The following HDX variants were observed in gnomAD, a reference collection of about 807,000 sequenced individuals.
HDX encodes the protein highly divergent homeobox, also known as chromosome X open reading frame 43.
In HDX, 19 loss-of-function variants were observed where a neutral mutation model predicts 45.2. The observed-to-expected ratio is 0.42, with a 90% CI of 0.29 to 0.62. HDX has a LOEUF of 0.62. HDX is among the 20% of genes least tolerant of loss of function. The pLI is 0.20. For synonymous variants in HDX, 188 were observed against 172.8 expected, an observed-to-expected ratio of 1.09 and a Z score of -0.69; for missense variants, 532 against 493.9, an observed-to-expected ratio of 1.08 and a Z score of -0.73.
At position 84,390,233 on chromosome X, in the gene HDX, C is replaced by G. The variant is rs12013932; in HGVS notation, c.1306-28621G>C. 2.1e-3 allele frequency among the ~76,000 whole-genome samples: 234 copies of G among 111,112 alleles called. 1 individual carries two copies. The highest frequency in any genetic ancestry group is 7.5e-3 in the African/African-American group (229 of 30,595). On this transcript the variant is annotated intron_variant, in intron 5 of 10. Transcript: ENST00000373177. ...TATTACATTCAGTCTCTAGATTTAA[C>G]CACACTCTCTAATGACATGTGCCTC... is the stretch of plus-strand genomic sequence containing the variant.
intron 5 of HDX, among the ~76,000 whole-genome samples, chrX:84,404,709 C>T (rs1448485677): frequency 9.0e-6 from 1 of 111,236 alleles, no homozygotes; most frequent in Non-Finnish European, 1.9e-5. Flanking sequence ...ATACTTTTAA[C>T]TACATTTATA....
At chrX:84,326,442 G>A (rs746973486) in intron 9 of HDX, 142 bp from the exon 10 acceptor site, 1 of 430,464 alleles carries the variant, frequency 2.3e-6, no homozygotes, top group East Asian at 4.0e-5. Context: ...GGAATACAAA[G>A]CATGGAAGAA....
At chrX:84,469,764 TAATA>T (rs2040422344) in intron 3 of HDX, among the ~76,000 whole-genome samples, 189 bp from the exon 4 acceptor site, 1 of 111,958 alleles carries the variant, frequency 8.9e-6, no homozygotes. Context: ...GACTCACACT[TAATA>T]AATACCTTCA....
intron 2 of HDX, among the ~76,000 whole-genome samples, chrX:84,475,645 G>T (rs986201803): frequency 1.7e-4 from 19 of 111,636 alleles, no homozygotes; most frequent in African/African-American, 5.8e-4. Flanking sequence ...AAAAAGACAG[G>T]AAATAAAAAA....
chrX:84,326,174 C>T lies in HDX; in HGVS notation c.1947+4G>A, dbSNP rs773057491. 7.5e-6 allele frequency: 9 copies of T among 1,206,240 alleles called. No homozygotes were observed. The highest frequency in any genetic ancestry group is 1.8e-5 in the African/African-American group (1 of 57,092). On this transcript the variant is annotated splice_donor_region_variant and intron_variant, in intron 10 of 10. Transcript: ENST00000373177. ...GCAGCTTACTAGTCTTTCCTGGGACCTACCTGCTGTTGTTCCTTATCATCA... is the reference window on the plus strand; with the variant it reads ...GCAGCTTACTAGTCTTTCCTGGGACTTACCTGCTGTTGTTCCTTATCATCA...
At chrX:84,396,522 T>C (rs2038568206) in intron 5 of HDX, among the ~76,000 whole-genome samples, 1 of 111,929 alleles carries the variant, frequency 8.9e-6, no homozygotes, top group Non-Finnish European at 1.9e-5. Flanking sequence ...GCCTCTACAT[T>C]GTTTGCTTGG....
At chrX:84,369,253 T>C (rs1338908771) in intron 5 of HDX, among the ~76,000 whole-genome samples, 1 of 112,339 alleles carries the variant, frequency 8.9e-6, no homozygotes, top group African/African-American at 3.2e-5. Flanking sequence ...AGAATTTCCT[T>C]CCTTTGTAAG....
intron 5 of HDX, among the ~76,000 whole-genome samples, chrX:84,435,434 G>T (rs754681208): frequency 0.013 from 1,465 of 110,174 alleles, 25 homozygotes; most frequent in African/African-American, 0.047. Context: ...TAAATTTGTT[G>T]GAGTTCATTG....
chrX:84,496,430 T>A (rs920170094), intron 1 of HDX, among the ~76,000 whole-genome samples: 8 of 109,888 alleles, frequency 7.3e-5, no homozygotes, highest in Non-Finnish European at 1.5e-4. Context: ...ATTCAGTATA[T>A]CTAGTGTGGG....
intron 6 of HDX, among the ~76,000 whole-genome samples, chrX:84,353,518 G>C (rs5968303): frequency 0.17 from 19,185 of 110,907 alleles, 1,545 homozygotes; most frequent in Non-Finnish European, 0.24. Flanking sequence ...CTTGGTCTTT[G>C]ATTCCTCAGC....
At chrX:84,449,502 G>A (rs1342312856) in intron 4 of HDX, among the ~76,000 whole-genome samples, 1 of 111,983 alleles carries the variant, frequency 8.9e-6, no homozygotes, top group Non-Finnish European at 1.9e-5. Flanking sequence ...AGGAGACAGT[G>A]GAATGGTATC....
At chrX:84,379,902 A>G (rs993529555) in intron 5 of HDX, among the ~76,000 whole-genome samples, 1 of 111,356 alleles carries the variant, frequency 9.0e-6, no homozygotes, top group African/African-American at 3.2e-5. Context: ...GAAATGAAGA[A>G]AACAATACAT....
At chrX:84,394,824 T>TG (rs2038521724) in intron 5 of HDX, among the ~76,000 whole-genome samples, 2 of 110,941 alleles carry the variant, frequency 1.8e-5, no homozygotes, top group African/African-American at 6.5e-5. Context: ...TACCTCTGCT[T>TG]GCTTTTGGTT....
chrX:84,399,992 G>A (rs915634562), intron 5 of HDX, among the ~76,000 whole-genome samples: 1 of 111,284 alleles, frequency 9.0e-6, no homozygotes, highest in South Asian at 3.7e-4. Flanking sequence ...TGCAGAAAAG[G>A]CCTTTGATAA....
intron 2 of HDX, among the ~76,000 whole-genome samples, chrX:84,480,255 T>C (rs1487198594): frequency 1.8e-5 from 2 of 111,795 alleles, no homozygotes; most frequent in Non-Finnish European, 3.8e-5. Flanking sequence ...ATTCAGTTGA[T>C]TGGTATTTTC....
chrX:84,405,057 G>T (rs1201769122), intron 5 of HDX, among the ~76,000 whole-genome samples: 4 of 110,873 alleles, frequency 3.6e-5, no homozygotes, highest in Non-Finnish European at 7.6e-5. Flanking sequence ...AGCAAATTCA[G>T]TTGATAATTT....
chrX:84,354,135 G>A lies in HDX; in HGVS notation c.1452+7331C>T, dbSNP rs377702970. ...TCAGATTATTTATGTGCAAAATTAG[G>A]AAAATAATTTCCAAATTCTTTACTT... is the stretch of plus-strand genomic sequence containing the variant. On this transcript the variant is annotated intron_variant, in intron 6 of 10. Coordinates refer to ENST00000373177, the MANE Select transcript of HDX (RefSeq NM_001177479.2). Among the ~76,000 whole-genome samples, 73 of 111,435 alleles carry A rather than the reference G, an allele frequency of 6.6e-4. No individual in the cohort carries two copies. In the East Asian group the frequency reaches 0.019, roughly 29 times the overall value.
Position 84,499,982 on chromosome X carries a change from T to C in HDX, c.-110+2360A>G, listed in dbSNP as rs757479101. On this transcript the variant is annotated intron_variant, in intron 1 of 10. Transcript: ENST00000373177. ...TAATAAAAAGTGAGTAATTTGTGTA[T>C]TTTTAAAGATACATGATACAATGTC... 5.3e-5 allele frequency: 6 copies of C among 112,356 alleles called. No homozygotes were observed. In the East Asian group the frequency reaches 1.7e-3, roughly 31 times the overall value. The allele number at this position is 112,356 out of a possible 1,213,427, so 9.3% of individuals were successfully genotyped here. A position where few individuals can be genotyped will look rare whatever the true frequency, so the allele number is the denominator to read the frequency against.
At chrX:84,496,570 T>C (rs1462109607) in intron 1 of HDX, among the ~76,000 whole-genome samples, 2 of 110,783 alleles carry the variant, frequency 1.8e-5, no homozygotes, top group Non-Finnish European at 3.8e-5. Context: ...CAAACAATAC[T>C]GAATTCAAAA....
Sources: gnomAD v4.1 joint callset for allele counts (sites outside exome capture counted in the v4.1 genomes callset) on GRCh38, gnomAD v4.1.1 for gene constraint, MANE v1.5 for transcripts, NCBI Gene and HGNC (gene_info 2026-07-23, HGNC 2026-07-21) for gene names.